Variants in ARFGEF3 observed in about 807,000 individuals in gnomAD.
The protein encoded by ARFGEF3 is ARFGEF family member 3, also known as brefeldin A-inhibited guanine nucleotide-exchange protein 3.
Under a neutral mutation model 221.7 loss-of-function variants are expected in ARFGEF3, and 96 were observed. The observed-to-expected ratio is 0.43, with a 90% CI of 0.37 to 0.51. The LOEUF (loss-of-function observed/expected upper bound fraction) is 0.51, where lower values mean the gene tolerates loss of function less well. Ranked by LOEUF, ARFGEF3 falls within the 20% of genes least tolerant of loss-of-function variation. The pLI is 0.00. For missense variants in ARFGEF3, 2,410 were observed against 2,789.9 expected, an observed-to-expected ratio of 0.86 and a Z score of 3.07; for synonymous variants, 1,145 against 1,126.8, an observed-to-expected ratio of 1.02 and a Z score of -0.32.
chr6:138,323,577 C>T (rs1314897091), intron 29 of ARFGEF3, 94 bp from the exon 30 acceptor site: 14 of 1,148,272 alleles, frequency 1.2e-5, no homozygotes, highest in Non-Finnish European at 1.8e-5. Flanking sequence ...TGCCAGTGCA[C>T]TCCAGGCTGG....
intron 5 of ARFGEF3, among the ~76,000 whole-genome samples, chr6:138,233,027 G>T (rs1460851393): frequency 2.0e-5 from 3 of 152,058 alleles, no homozygotes; most frequent in Admixed American, 2.0e-4. Flanking sequence ...TCCACCCTTG[G>T]ACCTTTACCG....
rs1175173165 is a variant in ARFGEF3 at position 138,335,005 on chromosome 6, A to T, written c.6159A>T (p.Pro2053=). Residue 2053 remains proline (P), a synonymous_variant, in exon 33 of 34, where the codon CCA becomes CCT. Coordinates refer to ENST00000251691, the MANE Select transcript of ARFGEF3 (RefSeq NM_020340.5). ...TCAAAGTGGAGAAGAAAGGAGAGCC[A>T]CTGGGTCCCAGGGGCCAGGACTCCC... ...KEVKVEKKGE[P]LGPRGQDSPL... 3.8e-6 allele frequency: 6 copies of T among 1,587,582 alleles called. No individual in the cohort carries two copies. In the East Asian group the frequency reaches 1.4e-4, roughly 37 times the overall value.
At position 138,292,049 on chromosome 6, in the gene ARFGEF3, G is replaced by T; in HGVS notation, c.3364G>T (p.Asp1122Tyr). The T allele has an allele frequency of 1.4e-6, 2 of 1,438,218 alleles. No homozygotes were observed. The allele number at this position is 1,438,218 out of a possible 1,614,324, so 89.1% of individuals were successfully genotyped here. Residue 1122 changes from aspartate (D) to tyrosine (Y), a missense_variant, in exon 19 of 34, where the codon GAC becomes TAC. Transcript: ENST00000251691. ...GGTGCTCACCCTCTCCACGCAAGCC[G>T]ACAGGTGCGCGGCGCCGGCCTCCCA... ...KVVLTLSTQADRLFEDATDKL... is the reference protein window; with the variant it reads ...KVVLTLSTQAYRLFEDATDKL...
Position 138,335,014 on chromosome 6 carries a change from C to A in ARFGEF3, c.6168C>A (p.Pro2056=). The A allele has an allele frequency of 6.3e-7, 1 of 1,590,406 alleles. No individual in the cohort carries two copies. Among genetic ancestry groups the A allele is most frequent in the East Asian group, 2.3e-5 (1 of 43,582 alleles). The change falls in exon 33 of 34, where the codon CCC becomes CCA. Residue 2056 remains proline, a synonymous_variant. Transcript: ENST00000251691. ...AGAAGAAAGGAGAGCCACTGGGTCCCAGGGGCCAGGACTCCCCGCTGCTTC... is the reference window on the plus strand; with the variant it reads ...AGAAGAAAGGAGAGCCACTGGGTCCAAGGGGCCAGGACTCCCCGCTGCTTC... ...KVEKKGEPLG[P]RGQDSPLLQR...
At chr6:138,196,080 T>G (rs767723427) in intron 2 of ARFGEF3, among the ~76,000 whole-genome samples, 2 of 152,198 alleles carry the variant, frequency 1.3e-5, no homozygotes, top group African/African-American at 4.8e-5. Context: ...GGAATGTAGT[T>G]TGAGATTGAC....
chr6:138,279,766 G>A (rs1779162937), intron 13 of ARFGEF3, among the ~76,000 whole-genome samples: 1 of 152,208 alleles, frequency 6.6e-6, no homozygotes, highest in African/African-American at 2.4e-5. Flanking sequence ...GTAAAGTGCA[G>A]TCTCTCTAAT....
chr6:138,222,405 A>G (rs1483249869), intron 4 of ARFGEF3, among the ~76,000 whole-genome samples: 3 of 152,164 alleles, frequency 2.0e-5, no homozygotes, highest in African/African-American at 7.2e-5. Flanking sequence ...TTATGTCTAC[A>G]AGGCATGTGG....
intron 5 of ARFGEF3, among the ~76,000 whole-genome samples, chr6:138,232,673 ACCT>A (rs1198431240): frequency 6.6e-6 from 1 of 152,166 alleles, no homozygotes; most frequent in East Asian, 1.9e-4. Context: ...CATGAAAAAC[ACCT>A]TTTTTATTGT....
At chr6:138,326,775 A>AATATAAATCATTCTCTT (rs1417933842) in intron 31 of ARFGEF3, among the ~76,000 whole-genome samples, 1 of 152,222 alleles carries the variant, frequency 6.6e-6, no homozygotes, top group East Asian at 1.9e-4. Context: ...TACCCAAAGG[A>AATATAAATCATTCTCTT]ATATAAATCA....
At chr6:138,320,232 G>T (rs376679212) in intron 28 of ARFGEF3, among the ~76,000 whole-genome samples, 185 of 151,246 alleles carry the variant, frequency 1.2e-3, no homozygotes, top group Non-Finnish European at 1.5e-3. Flanking sequence ...CGTAGCCTGT[G>T]GGGGGGTAGC....
chr6:138,234,475 C>CGT (rs10642229), intron 5 of ARFGEF3, among the ~76,000 whole-genome samples: 24,307 of 148,072 alleles, frequency 0.16, 2,788 homozygotes, highest in East Asian at 0.37. Context: ...CAGTTCACCC[C>CGT]GTGTGTGTGT....
At chr6:138,218,320 T>C in intron 4 of ARFGEF3, 3 of 1,565,178 alleles carry the variant, frequency 1.9e-6, no homozygotes, top group Non-Finnish European at 2.6e-6. Context: ...AATCTGTGCC[T>C]CAATTTTCTG....
chr6:138,267,856 A>G (rs1562373963), intron 12 of ARFGEF3, among the ~76,000 whole-genome samples: 2 of 152,258 alleles, frequency 1.3e-5, no homozygotes, highest in African/African-American at 2.4e-5. Context: ...AAATCAATAC[A>G]TTGAAAAGAG....
At chr6:138,257,076 C>G (rs1204814893) in intron 10 of ARFGEF3, among the ~76,000 whole-genome samples, 1 of 152,172 alleles carries the variant, frequency 6.6e-6, no homozygotes, top group Non-Finnish European at 1.5e-5. Context: ...GCCCAACCAT[C>G]AACTTTATTT....
chr6:138,317,407 G>A, intron 27 of ARFGEF3, 28 bp downstream of exon 27: 2 of 1,613,460 alleles, frequency 1.2e-6, no homozygotes, highest in Non-Finnish European at 1.7e-6. Context: ...CGTCTTTTGG[G>A]GGAGTGGTTA....
intron 12 of ARFGEF3, among the ~76,000 whole-genome samples, chr6:138,276,219 G>A (rs904699096): frequency 2.0e-5 from 3 of 152,158 alleles, no homozygotes; most frequent in African/African-American, 7.2e-5. Flanking sequence ...GCAAAGCTGC[G>A]AGCTGACCAC....
At chr6:138,313,100 C>T (rs1779859980) in intron 25 of ARFGEF3, among the ~76,000 whole-genome samples, 1 of 152,200 alleles carries the variant, frequency 6.6e-6, no homozygotes, top group Non-Finnish European at 1.5e-5. Flanking sequence ...GTTGGTGAGA[C>T]CCACCAGAAC....
intron 14 of ARFGEF3, among the ~76,000 whole-genome samples, chr6:138,284,310 CAAACAAACAA>C (rs945326098): frequency 6.6e-6 from 1 of 150,492 alleles, no homozygotes; most frequent in African/African-American, 2.5e-5. Context: ...GTCTCAAAAA[CAAACAAACAA>C]AAACAAACAA....
At chr6:138,174,312 T>C (rs1776894594) in intron 2 of ARFGEF3, among the ~76,000 whole-genome samples, 1 of 151,932 alleles carries the variant, frequency 6.6e-6, no homozygotes, top group African/African-American at 2.4e-5. Flanking sequence ...GGAAATGATA[T>C]AAAGAGGAGA....
Sources: gnomAD v4.1 joint callset for allele counts (sites outside exome capture counted in the v4.1 genomes callset) on GRCh38, gnomAD v4.1.1 for gene constraint, MANE v1.5 for transcripts, NCBI Gene and HGNC (gene_info 2026-07-23, HGNC 2026-07-21) for gene names.